The following SGCZ variants were observed in gnomAD, a reference collection of about 807,000 sequenced individuals.
SGCZ encodes the protein zeta-sarcoglycan.
A neutral mutation model predicts 41.3 loss-of-function variants in SGCZ; 40 were observed. The observed-to-expected ratio is 0.97, with a 90% CI of 0.75 to 1.26. The LOEUF (loss-of-function observed/expected upper bound fraction) is 1.26, where lower values mean the gene tolerates loss of function less well. Among genes scored for constraint, SGCZ ranks in the 50% most tolerant of loss-of-function variants. The probability of loss-of-function intolerance (pLI) is 0.00; values close to 1 mark genes in which losing one functional copy is unlikely to be tolerated. For missense variants in SGCZ, 552 were observed against 369.8 expected (o/e 1.49, Z -4.04); for synonymous variants, 206 against 137.5 (o/e 1.50, Z -3.49).
At chr8:14,191,243 A>G (rs564415769) in intron 4 of SGCZ, among the ~76,000 whole-genome samples, 1 of 152,152 alleles carries the variant, frequency 6.6e-6, no homozygotes, top group South Asian at 2.1e-4. Context: ...ATTGACCTTT[A>G]TCAGTTACAT....
chr8:15,184,493 C>G (rs1347633098), intron 1 of SGCZ, among the ~76,000 whole-genome samples: 1 of 151,896 alleles, frequency 6.6e-6, no homozygotes. Context: ...CTCTTCACCT[C>G]TCATGCATTT....
At chr8:14,965,004 C>T (rs1398256395) in intron 1 of SGCZ, among the ~76,000 whole-genome samples, 1 of 152,064 alleles carries the variant, frequency 6.6e-6, no homozygotes, top group African/African-American at 2.4e-5. Flanking sequence ...CAGTTCTAAT[C>T]CACCCAGGAG....
chr8:15,133,882 A>G (rs974797961), intron 1 of SGCZ, among the ~76,000 whole-genome samples: 3 of 152,316 alleles, frequency 2.0e-5, no homozygotes, highest in African/African-American at 7.2e-5. Context: ...ATCCTTTGCT[A>G]ATTTTTGAGG....
At chr8:14,355,889 A>G (rs28450744) in intron 2 of SGCZ, among the ~76,000 whole-genome samples, 12,619 of 152,180 alleles carry the variant, frequency 0.083, 1,571 homozygotes, top group African/African-American at 0.27. Context: ...AGTTATCTAG[A>G]TAATTGTATA....
chr8:14,332,847 G>GTA (rs944475991), intron 2 of SGCZ, among the ~76,000 whole-genome samples: 1 of 150,426 alleles, frequency 6.6e-6, no homozygotes, highest in Admixed American at 6.7e-5. Flanking sequence ...TATAGTGTGT[G>GTA]TATATATATA....
In SGCZ at chr8:14,488,324, G is replaced by A. The variant is rs79639300; in HGVS notation, c.234+66408C>T. On this transcript the variant is annotated intron_variant, in intron 2 of 7. Coordinates refer to ENST00000382080, the MANE Select transcript of SGCZ (RefSeq NM_139167.4). Reference sequence around the variant, plus strand: ...TATGGATAAAAGTTTGAAATTCTGCGTCCCATCGCCACGGTTAAAGTAAGC... The same window carrying A: ...TATGGATAAAAGTTTGAAATTCTGCATCCCATCGCCACGGTTAAAGTAAGC... Among the ~76,000 whole-genome samples, 1,204 of 152,280 alleles carry A rather than the reference G, an allele frequency of 7.9e-3. 7 individuals carry two copies. The highest frequency in any genetic ancestry group is 0.012 in the Non-Finnish European group (825 of 68,014).
chr8:14,856,804 G>A (rs151044686), intron 1 of SGCZ, among the ~76,000 whole-genome samples: 1 of 152,094 alleles, frequency 6.6e-6, no homozygotes, highest in East Asian at 1.9e-4. Flanking sequence ...AGGGAAAGAG[G>A]TTAATTAAAT....
chr8:14,278,936 G>T (rs1426996), intron 3 of SGCZ, among the ~76,000 whole-genome samples: 1 of 151,924 alleles, frequency 6.6e-6, no homozygotes, highest in African/African-American at 2.4e-5. Context: ...TTTTATAAAT[G>T]CCTACAAGGC....
intron 2 of SGCZ, among the ~76,000 whole-genome samples, chr8:14,359,482 A>T (rs1270368355): frequency 6.6e-6 from 1 of 152,182 alleles, no homozygotes; most frequent in East Asian, 1.9e-4. Context: ...GTTATGCCAC[A>T]AAACAAATCT....
intron 1 of SGCZ, among the ~76,000 whole-genome samples, chr8:14,808,090 T>C (rs540529641): frequency 6.6e-6 from 1 of 152,086 alleles, no homozygotes; most frequent in Non-Finnish European, 1.5e-5. Context: ...TCAAGATGGA[T>C]TAAAGACTGA....
intron 1 of SGCZ, among the ~76,000 whole-genome samples, chr8:14,746,314 C>T (rs1158399465): frequency 6.6e-6 from 1 of 152,004 alleles, no homozygotes; most frequent in Non-Finnish European, 1.5e-5. Flanking sequence ...AAGTTTCACA[C>T]ATTTTCTTAA....
At chr8:14,518,883 C>G (rs145735515) in intron 2 of SGCZ, among the ~76,000 whole-genome samples, 1,397 of 125,342 alleles carry the variant, frequency 0.011, 29 homozygotes, top group African/African-American at 0.044. Context: ...ATGGCGAAAC[C>G]CCATCTCTAC....
At chr8:15,005,322 CTTTTTCTTT>C (rs1269927480) in intron 1 of SGCZ, among the ~76,000 whole-genome samples, 2 of 116,280 alleles carry the variant, frequency 1.7e-5, no homozygotes, top group African/African-American at 3.7e-5. Context: ...CCGTTTTTTT[CTTTTTCTTT>C]TTTTTTTTTT....
chr8:15,211,265 A>T (rs571594831), intron 1 of SGCZ, among the ~76,000 whole-genome samples: 19 of 137,226 alleles, frequency 1.4e-4, no homozygotes, highest in Admixed American at 9.5e-4. Context: ...CACAAGTAAC[A>T]GACACTACTG....
chr8:14,219,404 A>T (rs574521708), intron 4 of SGCZ, among the ~76,000 whole-genome samples: 2 of 152,170 alleles, frequency 1.3e-5, no homozygotes, highest in African/African-American at 4.8e-5. Context: ...GAAAGGGCCA[A>T]ATTCTAATCC....
At position 14,108,223 on chromosome 8, in the gene SGCZ, G is replaced by A; in HGVS notation, c.560C>T (p.Ala187Val). 1 of 1,614,042 alleles carries A rather than the reference G, an allele frequency of 6.2e-7. No individual in the cohort carries two copies. The change falls in exon 6 of 8, where the codon GCC becomes GTC. Residue 187 changes from alanine (A) to valine (V), a missense_variant. By Grantham distance (64) the Ala-to-Val change is moderately conservative (BLOSUM62 0). Transcript: ENST00000382080. ...EKLKVTGTEG[A>V]VFGHSVETPH... Reference sequence around the variant, plus strand: ...CGTCTCCACAGAGTGCCCAAATACGGCTCCTTCAGTGCCTGGGGGTAGCAT... The same window carrying A: ...CGTCTCCACAGAGTGCCCAAATACGACTCCTTCAGTGCCTGGGGGTAGCAT...
At chr8:14,213,374 G>C (rs2117100968) in intron 4 of SGCZ, among the ~76,000 whole-genome samples, 1 of 152,088 alleles carries the variant, frequency 6.6e-6, no homozygotes, top group East Asian at 1.9e-4. Context: ...AGAAACCATG[G>C]AGACCAGAAA....
chr8:14,770,347 C>G (rs1800192968), intron 1 of SGCZ, among the ~76,000 whole-genome samples: 2 of 151,334 alleles, frequency 1.3e-5, no homozygotes, highest in South Asian at 4.2e-4. Flanking sequence ...AATAGTTCGT[C>G]AAGCAATATT....
intron 1 of SGCZ, among the ~76,000 whole-genome samples, chr8:14,705,953 T>G (rs1809319783): frequency 6.6e-6 from 1 of 152,048 alleles, no homozygotes; most frequent in African/African-American, 2.4e-5. Context: ...TAACTCCTGT[T>G]ATCCCATAAT....
Sources: gnomAD v4.1 joint callset for allele counts (sites outside exome capture counted in the v4.1 genomes callset) on GRCh38, gnomAD v4.1.1 for gene constraint, MANE v1.5 for transcripts, NCBI Gene and HGNC (gene_info 2026-07-23, HGNC 2026-07-21) for gene names.